MAP4: variants seen among roughly 807,000 people sequenced by gnomAD.
MAP4 encodes the protein microtubule-associated protein 4.
Under a neutral mutation model 170.2 loss-of-function variants are expected in MAP4, and 76 were observed. That is an observed-to-expected ratio of 0.45 (90% CI 0.37 to 0.54). The LOEUF is 0.54. MAP4 is among the 20% of genes least tolerant of loss of function. MAP4 has a pLI of 0.00. For synonymous variants in MAP4, 909 were observed against 994.5 expected, an observed-to-expected ratio of 0.91 and a Z score of 1.62; for missense variants, 2,506 against 2,748.0, an observed-to-expected ratio of 0.91 and a Z score of 1.97.
intron 10 of MAP4, among the ~76,000 whole-genome samples, chr3:47,887,510 C>G (rs1047336909): frequency 3.3e-5 from 5 of 152,202 alleles, no homozygotes; most frequent in Non-Finnish European, 7.3e-5. Flanking sequence ...GCTCCTGTGC[C>G]GCCCGAGCCT....
chr3:47,916,078 CTCTGTT>C lies in MAP4; in HGVS notation c.1743_1748del (p.Thr582_Glu583del), dbSNP rs2100038715. The C allele has an allele frequency of 3.1e-6, 5 of 1,614,128 alleles. No homozygotes were observed. The highest frequency in any genetic ancestry group is 3.4e-6 in the Non-Finnish European group (4 of 1,180,028). On this transcript the variant is annotated inframe_deletion, in exon 7 of 21. Coordinates refer to ENST00000683076, the MANE Select transcript of MAP4 (RefSeq NM_001385682.1). ...TGTCTTTAATTGGAACTGGTGTTGC[CTCTGTT>C]TCTGAGAGTGGTGGAACATCTTTGG...
rs750909153 is a variant in MAP4, at chr3:47,867,251, C to G, written c.6496G>C (p.Gly2166Arg). ...KDNIKHVPGG[G>R]NVQIQNKKVD... The stretch of plus-strand genomic sequence containing the variant: ...TAACCAGAGCTTATACTTACATTAC[C>G]ACCTCCAGGGACATGCTTAATATTG... Residue 2166 changes from glycine (G) to arginine (R), a missense_variant, in exon 17 of 21, where the codon GGT becomes CGT. Physicochemically the swap from Gly to Arg is moderately radical, Grantham distance 125. Around this residue, in one of 3 missense-constraint regions of MAP4, gnomAD observed 487 missense variants for 511.6 expected, o/e 0.95. Transcript: ENST00000683076. 52 of 1,608,602 alleles carry G rather than the reference C, an allele frequency of 3.2e-5. No homozygotes were observed. The highest frequency in any genetic ancestry group is 2.2e-4 in the Admixed American group (13 of 59,780).
intron 1 of MAP4, among the ~76,000 whole-genome samples, chr3:48,053,912 A>C (rs1217299767): frequency 6.6e-6 from 1 of 152,202 alleles, no homozygotes; most frequent in Non-Finnish European, 1.5e-5. Context: ...GTCTAGAAGA[A>C]TATATATGAA....
intron 1 of MAP4, among the ~76,000 whole-genome samples, chr3:48,005,349 G>A (rs1229356109): frequency 6.6e-6 from 1 of 151,456 alleles, no homozygotes; most frequent in African/African-American, 2.4e-5. Flanking sequence ...AACAGAACGA[G>A]ACTCCCTCTA....
rs752509016 is a variant in MAP4 at position 47,853,263 on chromosome 3, G to A, written c.6786C>T (p.Gly2262=). The part of the protein sequence containing the change: ...PAISEAAPEA[G]APTSASGLNG... ...TGAGGCCACTGGCTGAAGTGGGGGC[G>A]CCAGCTTCAGGCGCTGCCTCAGAGA... is the stretch of plus-strand genomic sequence containing the variant. Residue 2262 remains glycine, a synonymous_variant, in exon 20 of 21, where the codon GGC becomes GGT. Coordinates refer to ENST00000683076, the MANE Select transcript of MAP4 (RefSeq NM_001385682.1). 1.3e-5 allele frequency: 21 copies of A among 1,597,218 alleles called. No homozygotes were observed. Among genetic ancestry groups the A allele is most frequent in the Middle Eastern group, 1.7e-4 (1 of 5,802 alleles).
At chr3:47,935,262 T>C (rs71323374) in intron 3 of MAP4, among the ~76,000 whole-genome samples, 86 of 152,036 alleles carry the variant, frequency 5.7e-4, no homozygotes, top group Non-Finnish European at 1.0e-3. Flanking sequence ...TCTAGGAAGA[T>C]AGAAGGATGT....
intron 10 of MAP4, among the ~76,000 whole-genome samples, chr3:47,881,210 G>C (rs1250099789): frequency 6.6e-6 from 1 of 151,612 alleles, no homozygotes; most frequent in Non-Finnish European, 1.5e-5. Context: ...AGCACTTTGG[G>C]AGGCTGAGGC....
intron 10 of MAP4, chr3:47,891,541 A>C: frequency 6.6e-7 from 1 of 1,524,752 alleles, no homozygotes; most frequent in Non-Finnish European, 8.8e-7. Flanking sequence ...CAGGGTACTT[A>C]TCTGCAAGGT....
intron 10 of MAP4, among the ~76,000 whole-genome samples, chr3:47,902,673 CAAAA>C (rs3051642): frequency 2.7e-4 from 7 of 25,776 alleles, no homozygotes; most frequent in Admixed American, 5.5e-4. Context: ...GACTCTGTCT[CAAAA>C]AAAAAAAAAA....
intron 10 of MAP4, among the ~76,000 whole-genome samples, chr3:47,893,916 A>C (rs888150460): frequency 6.6e-6 from 1 of 152,168 alleles, no homozygotes; most frequent in African/African-American, 2.4e-5. Flanking sequence ...AAAGCTTGCT[A>C]AACTGTAGCC....
At chr3:48,047,231 T>C (rs937345824) in intron 1 of MAP4, among the ~76,000 whole-genome samples, 2 of 152,156 alleles carry the variant, frequency 1.3e-5, no homozygotes, top group Non-Finnish European at 2.9e-5. Context: ...TCATCGTCTG[T>C]AGAGTGCTTA....
rs373529419 is a variant in MAP4, at chr3:47,915,956, G to A, written c.1871C>T (p.Ser624Leu). Reference sequence around the variant, plus strand: ...GAATAAGCACAAGCACGTACCTGGTGAAATCATGAAAGTAGGTGCAGCTGA... The same window carrying A: ...GAATAAGCACAAGCACGTACCTGGTAAAATCATGAAAGTAGGTGCAGCTGA... ...GQSAAPTFMI[S>L]PETVTGTGKK... The change falls in exon 7 of 21, where the codon TCA becomes TTA. Residue 624 changes from serine to leucine, a missense_variant. By Grantham distance (145) the Ser-to-Leu change is moderately radical. Around this residue, in one of 3 missense-constraint regions of MAP4, gnomAD observed 2,008 missense variants for 2,206.0 expected, o/e 0.91. Coordinates refer to ENST00000683076, the MANE Select transcript of MAP4 (RefSeq NM_001385682.1). The A allele has an allele frequency of 1.9e-6, 3 of 1,609,266 alleles. No individual in the cohort carries two copies. The highest frequency in any genetic ancestry group is 1.7e-5 in the Admixed American group (1 of 59,748).
Position 47,912,164 on chromosome 3 carries a change from C to T in MAP4, c.2257G>A (p.Asp753Asn). 6.5e-7 allele frequency: 1 copy of T among 1,536,152 alleles called. No homozygotes were observed. Among genetic ancestry groups the T allele is most frequent in the South Asian group, 1.2e-5 (1 of 84,054 alleles). The change falls in exon 9 of 21, where the codon GAT (aspartate) becomes AAT (asparagine). Residue 753 changes from aspartate (D) to asparagine (N), a missense_variant. Physicochemically the swap from Asp to Asn is conservative, Grantham distance 23. Coordinates refer to ENST00000683076, the MANE Select transcript of MAP4 (RefSeq NM_001385682.1). ...ATATCCCAGGCCTCCCTGCCAAGAT[C>T]CCTCTGGGGTTCAAGTGAGTCAACA... ...IHVDSLEPQRDLGREAWDIES... is the reference protein window; with the variant it reads ...IHVDSLEPQRNLGREAWDIES...
chr3:47,990,214 ATC>A (rs2100091309), intron 2 of MAP4, among the ~76,000 whole-genome samples: 1 of 152,272 alleles, frequency 6.6e-6, no homozygotes, highest in Admixed American at 6.5e-5. Flanking sequence ...ATTCTGCAGT[ATC>A]TATTAATAGT....
At chr3:48,010,284 G>A (rs980763245) in intron 1 of MAP4, among the ~76,000 whole-genome samples, 3 of 152,164 alleles carry the variant, frequency 2.0e-5, no homozygotes, top group African/African-American at 4.8e-5. Context: ...CTATGACCAC[G>A]TGACCAGCTG....
chr3:47,858,256 G>A (rs1178350144), intron 17 of MAP4, among the ~76,000 whole-genome samples: 4 of 151,298 alleles, frequency 2.6e-5, no homozygotes, highest in East Asian at 2.0e-4. Context: ...CAGGTGATCC[G>A]CCTGCCTCAG....
intron 3 of MAP4, among the ~76,000 whole-genome samples, chr3:47,964,762 T>C (rs1321537660): frequency 2.0e-5 from 3 of 152,214 alleles, no homozygotes; most frequent in Admixed American, 1.3e-4. Flanking sequence ...ACGTACAAAA[T>C]ACCTAACATA....
rs1362571125 is a variant in MAP4 at position 47,851,171 on chromosome 3, ACAG to A, written c.*1760_*1762del. On this transcript the variant is annotated 3_prime_UTR_variant, in exon 21 of 21. Transcript: ENST00000683076. ...ACACTGGCTCCCTCATGTTCTTGGC[ACAG>A]CAGAAGTGTTCTGCACATGGTCTCT... 1 of 152,226 alleles carries A rather than the reference ACAG, an allele frequency of 6.6e-6. No homozygotes were observed. Among genetic ancestry groups the A allele is most frequent in the Non-Finnish European group, 1.5e-5 (1 of 68,066 alleles). 9.4% of individuals were successfully genotyped at this position (152,226 alleles called of 1,614,324 possible).
At chr3:47,887,296 T>TG (rs1319838510) in intron 10 of MAP4, among the ~76,000 whole-genome samples, 1 of 152,036 alleles carries the variant, frequency 6.6e-6, no homozygotes, top group Non-Finnish European at 1.5e-5. Context: ...GCCCCGCACT[T>TG]GGAGCAGCCA....
Sources: allele counts gnomAD v4.1 joint callset (sites outside exome capture counted in the v4.1 genomes callset), GRCh38; gene constraint gnomAD v4.1.1; regional missense constraint gnomAD v4.1.1; transcripts MANE v1.5; gene names NCBI Gene and HGNC (gene_info 2026-07-23, HGNC 2026-07-21).